Variants in TANC1 observed in about 807,000 individuals in gnomAD.
TANC1 encodes the protein tetratricopeptide repeat, ankyrin repeat and coiled-coil containing 1.
In TANC1, 77 loss-of-function variants were observed where a neutral mutation model predicts 149.7. That is an observed-to-expected ratio of 0.51 (90% CI 0.43 to 0.62). TANC1 has a LOEUF of 0.62. Ranked by LOEUF, TANC1 falls within the 20% of genes least tolerant of loss-of-function variation. The pLI is 0.00. For missense variants in TANC1, 1,985 were observed against 2,321.8 expected, an observed-to-expected ratio of 0.85 and a Z score of 2.98; for synonymous variants, 854 against 925.0, an observed-to-expected ratio of 0.92 and a Z score of 1.39.
chr2:158,976,318 G>A (rs1422958363), intron 1 of TANC1, among the ~76,000 whole-genome samples: 1 of 152,116 alleles, frequency 6.6e-6, no homozygotes, highest in East Asian at 1.9e-4. Flanking sequence ...GTTGCCTGAG[G>A]GAAGACTGGG....
intron 2 of TANC1, among the ~76,000 whole-genome samples, chr2:159,062,231 CCTT>C (rs1338365178): frequency 6.6e-6 from 1 of 152,144 alleles, no homozygotes; most frequent in Non-Finnish European, 1.5e-5. Flanking sequence ...AAGTGAGACT[CCTT>C]CTCAAAACAA....
intron 7 of TANC1, among the ~76,000 whole-genome samples, chr2:159,159,741 A>T (rs1451062423): frequency 1.3e-4 from 20 of 151,146 alleles, no homozygotes; most frequent in East Asian, 3.9e-4. Context: ...AGAGAGAGAG[A>T]GAGAGAGAGA....
At chr2:159,137,321 G>C (rs554367938) in intron 5 of TANC1, among the ~76,000 whole-genome samples, 1 of 152,232 alleles carries the variant, frequency 6.6e-6, no homozygotes, top group East Asian at 1.9e-4. Flanking sequence ...AGCTAAAAAT[G>C]AGCTGTGAGG....
intron 2 of TANC1, among the ~76,000 whole-genome samples, chr2:159,039,546 G>A (rs940702448): frequency 1.3e-5 from 2 of 152,148 alleles, no homozygotes; most frequent in East Asian, 1.9e-4. Flanking sequence ...ACTCTGGTAC[G>A]TTGTGTCTTT....
chr2:159,171,922 T>G (rs374112973), intron 10 of TANC1, among the ~76,000 whole-genome samples, 199 bp from the exon 11 acceptor site: 1 of 149,178 alleles, frequency 6.7e-6, no homozygotes, highest in East Asian at 2.0e-4. Flanking sequence ...AACAGTACAC[T>G]GATGGCTGTT....
intron 2 of TANC1, among the ~76,000 whole-genome samples, chr2:159,016,581 G>GT (rs1298799391): frequency 5.4e-4 from 80 of 147,322 alleles, no homozygotes; most frequent in Admixed American, 1.8e-3. Flanking sequence ...AAAATTTTTT[G>GT]TTTTTTTTTT....
At chr2:159,205,891 A>T (rs539840488) in intron 19 of TANC1, among the ~76,000 whole-genome samples, 1 of 152,384 alleles carries the variant, frequency 6.6e-6, no homozygotes, top group South Asian at 2.1e-4. Context: ...CATGGAACGC[A>T]CATGGAGGAT....
intron 13 of TANC1, among the ~76,000 whole-genome samples, chr2:159,177,266 A>T (rs189829365): frequency 1.3e-5 from 2 of 152,188 alleles, no homozygotes; most frequent in East Asian, 3.9e-4. Flanking sequence ...ACAAAACTTA[A>T]GCATGAGGTA....
intron 19 of TANC1, among the ~76,000 whole-genome samples, chr2:159,210,406 G>A (rs2058905079): frequency 6.6e-6 from 1 of 152,166 alleles, no homozygotes; most frequent in South Asian, 2.1e-4. Context: ...GAATGACTGT[G>A]TCCCCGGCAA....
In TANC1 at chr2:159,137,801, G is replaced by C. The variant is rs190869898; in HGVS notation, c.364+1503G>C. On this transcript the variant is annotated intron_variant, in intron 5 of 26. Transcript: ENST00000263635. ...ACCCACCAAAGCCTTTGTAGCCCTG[G>C]TCAATTATGCCCCTGGCATTTTGGC... 6.6e-5 allele frequency among the ~76,000 whole-genome samples: 10 copies of C among 152,254 alleles called. 1 individual carries two copies. The East Asian group carries it at 1.9e-3, about 29-fold the overall frequency.
chr2:159,059,021 T>C (rs2042044705), intron 2 of TANC1, among the ~76,000 whole-genome samples: 2 of 152,238 alleles, frequency 1.3e-5, no homozygotes, highest in Admixed American at 6.5e-5. Context: ...ACTGTAAATT[T>C]ACTATGCTTT....
chr2:159,150,065 T>C (rs995541507), intron 6 of TANC1: 21 of 245,452 alleles, frequency 8.6e-5, no homozygotes, highest in African/African-American at 4.5e-4. Flanking sequence ...TGTTTGCCAT[T>C]TCTGTTGTAC....
intron 3 of TANC1, among the ~76,000 whole-genome samples, chr2:159,078,353 G>A (rs1266314788): frequency 6.6e-6 from 1 of 152,156 alleles, no homozygotes; most frequent in Non-Finnish European, 1.5e-5. Flanking sequence ...TTAATCATCT[G>A]ATAGCTTACT....
intron 22 of TANC1, 68 bp from the exon 23 acceptor site, chr2:159,224,164 C>A (rs571830042): frequency 1.3e-6 from 2 of 1,587,244 alleles, no homozygotes; most frequent in Admixed American, 3.4e-5. Context: ...GACTGCCCAC[C>A]CCTAAATCCG....
chr2:159,013,477 A>G (rs1425326890), intron 2 of TANC1, among the ~76,000 whole-genome samples: 1 of 152,200 alleles, frequency 6.6e-6, no homozygotes, highest in Non-Finnish European at 1.5e-5. Context: ...ATATTTTTGT[A>G]TTATACATGC....
chr2:159,101,588 A>G (rs890477415), intron 4 of TANC1, among the ~76,000 whole-genome samples: 1 of 151,854 alleles, frequency 6.6e-6, no homozygotes, highest in Non-Finnish European at 1.5e-5. Context: ...AATGGTAAAT[A>G]TATTTTCTGT....
At chr2:159,140,766 CT>C (rs1461780269) in intron 5 of TANC1, among the ~76,000 whole-genome samples, 1 of 146,392 alleles carries the variant, frequency 6.8e-6, no homozygotes, top group Non-Finnish European at 1.5e-5. Flanking sequence ...TCTCGGCTCA[CT>C]GCAACCTCTG....
At chr2:159,005,405 A>G (rs2037060047) in intron 2 of TANC1, among the ~76,000 whole-genome samples, 1 of 152,178 alleles carries the variant, frequency 6.6e-6, no homozygotes, top group Non-Finnish European at 1.5e-5. Flanking sequence ...AGCCTGGGCA[A>G]CATGGCGAAA....
rs371226251 is a variant in TANC1 at position 159,163,316 on chromosome 2, G to C, written c.716G>C (p.Arg239Pro). 6.2e-7 allele frequency: 1 copy of C among 1,613,990 alleles called. No homozygotes were observed. Among genetic ancestry groups the C allele is most frequent in the Non-Finnish European group, 8.5e-7 (1 of 1,179,942 alleles). ...ACAAGTTCATCCGAAAATGATGACCGGAGTGGCTCCAGTTTGGAATGGAAT... is the reference window on the plus strand; with the variant it reads ...ACAAGTTCATCCGAAAATGATGACCCGAGTGGCTCCAGTTTGGAATGGAAT... ...TITSSSENDD[R>P]SGSSLEWNKD... Residue 239 changes from arginine to proline, a missense_variant, in exon 8 of 27, where the codon CGG (arginine) becomes CCG (proline). Arg to Pro is a moderately radical substitution (Grantham distance 103). Around this residue, in one of 3 missense-constraint regions of TANC1, gnomAD observed 557 missense variants for 612.9 expected, o/e 0.91. Transcript: ENST00000263635.
Sources: allele counts gnomAD v4.1 joint callset (sites outside exome capture counted in the v4.1 genomes callset), GRCh38; gene constraint gnomAD v4.1.1; regional missense constraint gnomAD v4.1.1; transcripts MANE v1.5; gene names NCBI Gene and HGNC (gene_info 2026-07-23, HGNC 2026-07-21).